Variants in CA14 observed in about 807,000 individuals in gnomAD.
CA14 encodes the protein CA-XIV.
CA14 carries 44 observed loss-of-function variants against 48.8 expected under a neutral mutation model. That is an observed-to-expected ratio of 0.90 (90% confidence interval 0.71 to 1.16). CA14 has a LOEUF of 1.16. Ranked by LOEUF, CA14 falls within the 50% of genes most tolerant of loss-of-function variation. CA14 has a pLI of 0.00. For missense variants in CA14, 386 were observed against 401.0 expected, an observed-to-expected ratio of 0.96 and a Z score of 0.32; for synonymous variants, 154 against 155.0, an observed-to-expected ratio of 0.99 and a Z score of 0.05.
At position 150,263,853 on chromosome 1, in the gene CA14, G is replaced by GT; in HGVS notation, c.925dup (p.Tyr309LeufsTer5). The GT allele has an allele frequency of 6.2e-7, 1 of 1,609,792 alleles. No individual in the cohort carries two copies. Among genetic ancestry groups the GT allele is most frequent in the African/African-American group, 1.3e-5 (1 of 74,232 alleles). On this transcript the variant is annotated frameshift_variant, in exon 10 of 11. Transcript: ENST00000369111. LOFTEE classifies it high-confidence loss of function. ...TGGCTGTCTCTGCCTTCTCCTGGCT[G>GT]TTTATTTCATTGCTAGAAAGATTCG...
intron 2 of CA14, chr1:150,260,579 G>C: frequency 3.0e-6 from 1 of 330,628 alleles, no homozygotes; most frequent in Non-Finnish European, 5.9e-6. Flanking sequence ...GATAGTTTCT[G>C]ACCCTGGGGG....
intron 6 of CA14, 36 bp downstream of exon 6, chr1:150,262,906 A>G: frequency 6.3e-7 from 1 of 1,592,014 alleles, no homozygotes; most frequent in Non-Finnish European, 8.6e-7. Context: ...AAGTAAGATT[A>G]GACTTTCAAA....
chr1:150,262,077 C>T (rs1212102641), intron 3 of CA14, 81 bp from the exon 4 acceptor site: 32 of 1,548,694 alleles, frequency 2.1e-5, no homozygotes, highest in Non-Finnish European at 2.7e-5. Flanking sequence ...AGGGCCAAGT[C>T]TCCCAAGAAG....
At chr1:150,260,008 C>T in intron 1 of CA14, 143 bp from the exon 2 acceptor site, 9 of 789,130 alleles carry the variant, frequency 1.1e-5, no homozygotes. Flanking sequence ...TCAGGGCTTC[C>T]TTTGCAAAGT....
rs1553847083 is a variant in CA14, at chr1:150,258,120, T to A, written c.-9T>A. On this transcript the variant is annotated 5_prime_UTR_variant, in exon 1 of 11. Coordinates refer to ENST00000369111, the MANE Select transcript of CA14 (RefSeq NM_012113.3). ...ATTCCCAGTCCCCTGCACCCCTTCC[T>A]GGGACACTATGTTGTTCTCCGCCCT... The A allele has an allele frequency of 6.2e-7, 1 of 1,607,614 alleles. No individual in the cohort carries two copies. Among genetic ancestry groups the A allele is most frequent in the Admixed American group, 1.7e-5 (1 of 59,696 alleles).
chr1:150,262,377 G>A lies in CA14; in HGVS notation c.399+77G>A. 3.2e-6 allele frequency: 5 copies of A among 1,544,630 alleles called. 1 individual carries two copies. In the Middle Eastern group the frequency reaches 6.9e-4, roughly 214 times the overall value. On this transcript the variant is annotated intron_variant, in intron 4 of 10. Coordinates refer to ENST00000369111, the MANE Select transcript of CA14 (RefSeq NM_012113.3). ...TCCTGGGGAAAGGATCTGGACCTTA[G>A]GAAAAGTCATGCTGGGGGGATAAGG...
Position 150,264,761 on chromosome 1 carries a change from G to A in CA14, c.*102G>A. 3.9e-6 allele frequency: 3 copies of A among 767,666 alleles called. No individual in the cohort carries two copies. The highest frequency in any genetic ancestry group is 6.4e-6 in the Non-Finnish European group (3 of 471,564). The allele number at this position is 767,666 out of a possible 1,614,324, so 47.6% of individuals were successfully genotyped here. The stretch of plus-strand genomic sequence containing the variant: ...TCTGGCCAGAAACACTGTAGGAGTA[G>A]TAAGCAGATGTCCTCCTTCCCCTGG... On this transcript the variant is annotated 3_prime_UTR_variant, in exon 11 of 11. Transcript: ENST00000369111.
intron 1 of CA14, among the ~76,000 whole-genome samples, chr1:150,259,783 C>G (rs2101827450): frequency 6.6e-6 from 1 of 151,658 alleles, no homozygotes; most frequent in East Asian, 1.9e-4. Context: ...CACACCCTCA[C>G]CCCACCCACC....
At chr1:150,262,772 T>C in intron 5 of CA14, 32 bp from the exon 6 acceptor site, 1 of 1,554,750 alleles carries the variant, frequency 6.4e-7, no homozygotes, top group Non-Finnish European at 8.9e-7. Context: ...CATGGACTCA[T>C]TCCAAACTCT....
In CA14 at chr1:150,258,030, C is replaced by T. The variant is rs1650688160; in HGVS notation, c.-99C>T. ...CACTCACGCCAGGAGCTCGCTCGCT[C>T]TCTCTCTCTCTCTCTCACTCCTCCC... On this transcript the variant is annotated 5_prime_UTR_variant, in exon 1 of 11. Transcript: ENST00000369111. 4.3e-6 allele frequency: 3 copies of T among 694,908 alleles called. No homozygotes were observed. Among genetic ancestry groups the T allele is most frequent in the Admixed American group, 3.2e-5 (1 of 31,332 alleles). The allele number at this position is 694,908 out of a possible 1,614,324, so 43.0% of individuals were successfully genotyped here. A position where few individuals can be genotyped will look rare whatever the true frequency, so the allele number is the denominator to read the frequency against.
At chr1:150,259,739 C>T (rs587707865) in intron 1 of CA14, among the ~76,000 whole-genome samples, 2 of 152,224 alleles carry the variant, frequency 1.3e-5, no homozygotes, top group South Asian at 2.1e-4. Context: ...TTCTCCTCCC[C>T]GCTTTCTAGT....
At chr1:150,262,330 A>G in intron 4 of CA14, 30 bp downstream of exon 4, 1 of 1,577,186 alleles carries the variant, frequency 6.3e-7, no homozygotes, top group Non-Finnish European at 8.6e-7. Context: ...TGGGACTCAG[A>G]CAAAGTAACA....
At chr1:150,262,081 C>G in intron 3 of CA14, 77 bp from the exon 4 acceptor site, 1 of 1,574,870 alleles carries the variant, frequency 6.3e-7, no homozygotes, top group South Asian at 1.1e-5. Flanking sequence ...CCAAGTCTCC[C>G]AAGAAGTGGT....
At chr1:150,264,083 A>G (rs1464543065) in intron 10 of CA14, among the ~76,000 whole-genome samples, 1 of 150,738 alleles carries the variant, frequency 6.6e-6, no homozygotes, top group Non-Finnish European at 1.5e-5. Context: ...GCACCATCAC[A>G]CCCAGCTAAT....
chr1:150,262,483 G>T (rs74126632), intron 4 of CA14, 42 bp from the exon 5 acceptor site: 15 of 1,545,796 alleles, frequency 9.7e-6, no homozygotes, highest in Admixed American at 3.3e-5. Flanking sequence ...CTTGAAGGGG[G>T]TGCAGACATT....
At position 150,258,104 on chromosome 1, in the gene CA14, C is replaced by T. The variant is rs781995754; in HGVS notation, c.-25C>T. The stretch of plus-strand genomic sequence containing the variant: ...GTCCTCTAGTCCTCAAATTCCCAGT[C>T]CCCTGCACCCCTTCCTGGGACACTA... On this transcript the variant is annotated 5_prime_UTR_variant, in exon 1 of 11. Transcript: ENST00000369111. 59 of 1,598,048 alleles carry T rather than the reference C, an allele frequency of 3.7e-5. No individual in the cohort carries two copies. In the South Asian group the frequency reaches 6.4e-4, roughly 17 times the overall value.
In CA14 at chr1:150,260,106, G is replaced by T. The variant is rs782417065; in HGVS notation, c.56-45G>T. ...AGGGGAGTGTGGAGGCCAGGGTTCTGCCCCAGGCTGCGCTGGCTGTAACCC... is the reference window on the plus strand; with the variant it reads ...AGGGGAGTGTGGAGGCCAGGGTTCTTCCCCAGGCTGCGCTGGCTGTAACCC... On this transcript the variant is annotated intron_variant, in intron 1 of 10. Transcript: ENST00000369111. The T allele has an allele frequency of 8.1e-6, 13 of 1,607,602 alleles. No homozygotes were observed. In the South Asian group the frequency reaches 1.1e-4, roughly 14 times the overall value.
Sources: allele counts gnomAD v4.1 joint callset (sites outside exome capture counted in the v4.1 genomes callset), GRCh38; gene constraint gnomAD v4.1.1; transcripts MANE v1.5; gene names NCBI Gene and HGNC (gene_info 2026-07-23, HGNC 2026-07-21).